PEX10: variants seen among roughly 807,000 people sequenced by gnomAD.
The protein encoded by PEX10 is peroxisomal biogenesis factor 10, also known as peroxisome biogenesis factor 10.
PEX10 carries 32 observed loss-of-function variants against 38.0 expected under a neutral mutation model. The ratio of observed to expected loss-of-function variants is 0.84; its 90% CI spans 0.63 to 1.13. PEX10 has a LOEUF of 1.13. Ranked by LOEUF, PEX10 falls within the 50% of genes most tolerant of loss-of-function variation. The pLI is 0.00. For missense variants in PEX10, 483 were observed against 457.7 expected, an observed-to-expected ratio of 1.06 and a Z score of -0.51; for synonymous variants, 206 against 207.3, an observed-to-expected ratio of 0.99 and a Z score of 0.05.
intron 5 of PEX10, 42 bp from the exon 6 acceptor site, chr1:2,405,876 G>A (rs1642982725): frequency 6.8e-7 from 1 of 1,470,508 alleles, no homozygotes; most frequent in African/African-American, 1.4e-5. Context: ...TGGGGCCACT[G>A]GGCCATGCCC....
At chr1:2,405,970 C>T (rs1333132229) in intron 5 of PEX10, 136 bp from the exon 6 acceptor site, 1 of 766,686 alleles carries the variant, frequency 1.3e-6, no homozygotes, top group African/African-American at 1.7e-5. Context: ...AACTAATGAC[C>T]AAGAAAGCCA....
Position 2,412,389 on chromosome 1 carries a change from AC to A in PEX10, c.112+1del. 1 of 1,378,570 alleles carries A rather than the reference AC, an allele frequency of 7.3e-7. No individual in the cohort carries two copies. Among genetic ancestry groups the A allele is most frequent in the African/African-American group, 1.5e-5 (1 of 65,470 alleles). 85.4% of individuals were successfully genotyped at this position (1,378,570 alleles called of 1,614,324 possible). On this transcript the variant is annotated splice_donor_variant, in intron 1 of 5. Coordinates refer to ENST00000447513, the MANE Select transcript of PEX10 (RefSeq NM_002617.4). LOFTEE classifies it high-confidence loss of function. ...GGACGTCCGGCCGCGCCCGGCCCTC[AC>A]CCGCCAGGCTGTGCAGGGCGCCGCC...
At chr1:2,406,090 A>G (rs1364112348) in intron 5 of PEX10, among the ~76,000 whole-genome samples, 1 of 152,118 alleles carries the variant, frequency 6.6e-6, no homozygotes, top group African/African-American at 2.4e-5. Flanking sequence ...CGCAGCTGAC[A>G]CAGCCCACGA....
chr1:2,408,059 T>C (rs1041368483), intron 3 of PEX10, among the ~76,000 whole-genome samples: 1 of 152,056 alleles, frequency 6.6e-6, no homozygotes, highest in African/African-American at 2.4e-5. Flanking sequence ...CTGCAGTCCA[T>C]GCTCCCACAC....
chr1:2,410,394 T>G lies in PEX10; in HGVS notation c.170A>C (p.Tyr57Ser), dbSNP rs760925882. ...KEVELLSDVAYFGLTTLAGYQ... is the reference protein window; with the variant it reads ...KEVELLSDVASFGLTTLAGYQ... ...ACCTGCAAGTGTGGTGAGGCCAAAG[T>G]AGGCCACATCTGAGAGCAGCTCAAC... The change falls in exon 2 of 6, where the codon TAC becomes TCC. Residue 57 changes from tyrosine to serine, a missense_variant. By Grantham distance (144) the Tyr-to-Ser change is moderately radical. Coordinates refer to ENST00000447513, the MANE Select transcript of PEX10 (RefSeq NM_002617.4). The surrounding 1 kb of genome is among the most constrained non-coding windows in gnomAD (Gnocchi z 5.1). The G allele has an allele frequency of 6.2e-7, 1 of 1,614,054 alleles. No homozygotes were observed. The highest frequency in any genetic ancestry group is 1.1e-5 in the South Asian group (1 of 91,088).
chr1:2,412,457 G>C lies in PEX10; in HGVS notation c.46C>G (p.Gln16Glu). ...ASPPEVIRAA[Q>E]KDEYYRGGLR... is the part of the protein sequence containing the mutation. ...CCACCGCGGTAGTACTCGTCCTTCT[G>C]CGCCGCGCGGATCACCTCCGGGGGG... Residue 16 changes from glutamine (Q) to glutamate (E), a missense_variant, in exon 1 of 6, where the codon CAG (glutamine) becomes GAG (glutamate). Gln to Glu is a conservative substitution (Grantham distance 29). Transcript: ENST00000447513. 7.0e-7 allele frequency: 1 copy of C among 1,422,686 alleles called. No homozygotes were observed. The highest frequency in any genetic ancestry group is 9.2e-7 in the Non-Finnish European group (1 of 1,091,682). 88.1% of individuals were successfully genotyped at this position (1,422,686 alleles called of 1,614,324 possible).
In PEX10 at chr1:2,406,557, C is replaced by T. The variant is rs758678654; in HGVS notation, c.839G>A (p.Arg280His). The T allele has an allele frequency of 1.1e-4, 180 of 1,613,286 alleles. No homozygotes were observed. Among genetic ancestry groups the T allele is most frequent in the South Asian group, 2.6e-4 (24 of 91,084 alleles). ...GCAGGGCGTGGCTGTTGGGTGCCTG[C>T]GCTCCTCCAGGCACAGGGTGCACAG... is the stretch of plus-strand genomic sequence containing the variant. ...NPLCTLCLEERRHPTATPCGH... is the reference protein window; with the variant it reads ...NPLCTLCLEEHRHPTATPCGH... Residue 280 changes from arginine to histidine, a missense_variant, in exon 5 of 6, where the codon CGC becomes CAC. Arg to His is a conservative substitution (Grantham distance 29, BLOSUM62 0). Coordinates refer to ENST00000447513, the MANE Select transcript of PEX10 (RefSeq NM_002617.4).
Position 2,405,594 on chromosome 1 carries a change from G to A in PEX10, c.*172C>T. Reference sequence around the variant, plus strand: ...GCGCCCCTCCCAGGGCTGAGAAAGCGCAGCCAGGGACAGCTTTCTGTTCTC... The same window carrying A: ...GCGCCCCTCCCAGGGCTGAGAAAGCACAGCCAGGGACAGCTTTCTGTTCTC... On this transcript the variant is annotated 3_prime_UTR_variant, in exon 6 of 6. Transcript: ENST00000447513. 3 of 729,136 alleles carry A rather than the reference G, an allele frequency of 4.1e-6. No individual in the cohort carries two copies. Among genetic ancestry groups the A allele is most frequent in the Non-Finnish European group, 7.3e-6 (3 of 410,938 alleles). 45.2% of individuals were successfully genotyped at this position (729,136 alleles called of 1,614,324 possible).
In PEX10 at chr1:2,408,719, G is replaced by C. The variant is rs781710848; in HGVS notation, c.333C>G (p.Leu111=). 2 of 1,613,792 alleles carry C rather than the reference G, an allele frequency of 1.2e-6. No individual in the cohort carries two copies. The highest frequency in any genetic ancestry group is 1.3e-5 in the African/African-American group (1 of 75,042). ...VLPYLLDKAL[L]PLEQELQADP... The stretch of plus-strand genomic sequence containing the variant: ...CAGCCTGCAGCTCCTGCTCCAGGGG[G>C]AGCAGGGCCTTGTCCAGCAGGTAGG... Residue 111 remains leucine, a synonymous_variant, in exon 3 of 6, where the codon CTC becomes CTG. Transcript: ENST00000447513.
Position 2,408,450 on chromosome 1 carries a change from A to C in PEX10, c.600+2T>G. 6.2e-7 allele frequency: 1 copy of C among 1,612,892 alleles called. No homozygotes were observed. The highest frequency in any genetic ancestry group is 8.5e-7 in the Non-Finnish European group (1 of 1,179,972). On this transcript the variant is annotated splice_donor_variant, in intron 3 of 5. Coordinates refer to ENST00000447513, the MANE Select transcript of PEX10 (RefSeq NM_002617.4). LOFTEE classifies it high-confidence loss of function. ...GCTGTGCCCTCAGCGCCTGCTACTT[A>C]CGTACGTGATCCCCGTGAGCCTCTT...
chr1:2,408,864 AG>A lies in PEX10; in HGVS notation c.194-7del. The A allele has an allele frequency of 1.9e-6, 3 of 1,613,892 alleles. No individual in the cohort carries two copies. The highest frequency in any genetic ancestry group is 2.5e-6 in the Non-Finnish European group (3 of 1,179,882). Reference sequence around the variant, plus strand: ...CTCCCCCAGGGTCTGGTAGCCTGCGAGGAAGAGGATGGGTATGTGGACCCTG... The same window carrying A: ...CTCCCCCAGGGTCTGGTAGCCTGCGAGAAGAGGATGGGTATGTGGACCCTG... On this transcript the variant is annotated splice_polypyrimidine_tract_variant and splice_region_variant and intron_variant, in intron 2 of 5. Transcript: ENST00000447513.
Position 2,405,192 on chromosome 1 carries a change from G to C in PEX10, c.*574C>G. 5.5e-6 allele frequency: 1 copy of C among 181,880 alleles called. No homozygotes were observed. The highest frequency in any genetic ancestry group is 1.2e-5 in the Non-Finnish European group (1 of 84,828). 11.3% of individuals were successfully genotyped at this position (181,880 alleles called of 1,614,324 possible). ...CCGACGGAGGTGCTGGCCTTGGTTG[G>C]TTTCTCTCTGCCCCGTGTGGTCATC... On this transcript the variant is annotated 3_prime_UTR_variant, in exon 6 of 6. Coordinates refer to ENST00000447513, the MANE Select transcript of PEX10 (RefSeq NM_002617.4).
rs1643275203 is a variant in PEX10 at position 2,412,474 on chromosome 1, T to TG, written c.28_29insC (p.Glu10AlafsTer41). 3.6e-6 allele frequency: 5 copies of TG among 1,393,112 alleles called. No homozygotes were observed. The highest frequency in any genetic ancestry group is 3.2e-5 in the Admixed American group (1 of 31,644). The allele number at this position is 1,393,112 out of a possible 1,614,324, so 86.3% of individuals were successfully genotyped here. A position where few individuals can be genotyped will look rare whatever the true frequency, so the allele number is the denominator to read the frequency against. Reference sequence around the variant, plus strand: ...GTCCTTCTGCGCCGCGCGGATCACCTCCGGGGGGCTGGCGGCGGCCGGGGC... The same window carrying TG: ...GTCCTTCTGCGCCGCGCGGATCACCTGCCGGGGGGCTGGCGGCGGCCGGGGC... On this transcript the variant is annotated frameshift_variant, in exon 1 of 6. Transcript: ENST00000447513. LOFTEE classifies it high-confidence loss of function.
chr1:2,410,930 A>G lies in PEX10; in HGVS notation c.113-479T>C. 4.4e-6 allele frequency: 2 copies of G among 454,224 alleles called. No individual in the cohort carries two copies. The highest frequency in any genetic ancestry group is 8.9e-6 in the Non-Finnish European group (2 of 225,242). 28.1% of individuals were successfully genotyped at this position (454,224 alleles called of 1,614,324 possible). The stretch of plus-strand genomic sequence containing the variant: ...AAACACTGGGAACAGTGTCTGGCAC[A>G]GGGGTAAGTGCCAAGTGTACTGTAA... On this transcript the variant is annotated intron_variant, in intron 1 of 5. Transcript: ENST00000447513. The surrounding 1 kb of genome is among the most constrained non-coding windows in gnomAD (Gnocchi z 5.1).
chr1:2,406,706 GC>G lies in PEX10; in HGVS notation c.776+13del. 3 of 1,608,652 alleles carry G rather than the reference GC, an allele frequency of 1.9e-6. No homozygotes were observed. Among genetic ancestry groups the G allele is most frequent in the Non-Finnish European group, 8.5e-7 (1 of 1,178,122 alleles). ...AGGACACCCCCAGCCCCCATGTGTGGCCCCCGCACGCACCTGCGGTGAGACA... is the reference window on the plus strand; with the variant it reads ...AGGACACCCCCAGCCCCCATGTGTGGCCCCGCACGCACCTGCGGTGAGACA... On this transcript the variant is annotated intron_variant, in intron 4 of 5. Coordinates refer to ENST00000447513, the MANE Select transcript of PEX10 (RefSeq NM_002617.4).
chr1:2,412,391 C>A lies in PEX10; in HGVS notation c.112G>T (p.Gly38Cys). Reference sequence around the variant, plus strand: ...ACGTCCGGCCGCGCCCGGCCCTCACCCGCCAGGCTGTGCAGGGCGCCGCCC... The same window carrying A: ...ACGTCCGGCCGCGCCCGGCCCTCACACGCCAGGCTGTGCAGGGCGCCGCCC... ...AAGGALHSLA[G>C]ARKWLEWRKE... Residue 38 changes from glycine (G) to cysteine (C), a missense_variant and splice_region_variant, in exon 1 of 6, where the codon GGT becomes TGT. Transcript: ENST00000447513. The A allele has an allele frequency of 2.2e-6, 3 of 1,390,180 alleles. No homozygotes were observed. Among genetic ancestry groups the A allele is most frequent in the Non-Finnish European group, 1.9e-6 (2 of 1,077,634 alleles). 86.1% of individuals were successfully genotyped at this position (1,390,180 alleles called of 1,614,324 possible). A position where few individuals can be genotyped will look rare whatever the true frequency, so the allele number is the denominator to read the frequency against.
chr1:2,408,485 G>A lies in PEX10; in HGVS notation c.567C>T (p.Tyr189=). 1.2e-6 allele frequency: 2 copies of A among 1,612,994 alleles called. No individual in the cohort carries two copies. Among genetic ancestry groups the A allele is most frequent in the South Asian group, 1.1e-5 (1 of 91,090 alleles). Residue 189 remains tyrosine, a synonymous_variant, in exon 3 of 6, where the codon TAC becomes TAT. Coordinates refer to ENST00000447513, the MANE Select transcript of PEX10 (RefSeq NM_002617.4). ...VAWFYIHGVF[Y]HLAKRLTGIT... ...TCCCCGTGAGCCTCTTGGCCAGGTG[G>A]TAGAAGACACCGTGGATGTAAAACC...
In PEX10 at chr1:2,410,747, G is replaced by C. The variant is rs1333196568; in HGVS notation, c.113-296C>G. On this transcript the variant is annotated intron_variant, in intron 1 of 5. Transcript: ENST00000447513. This position sits in a 1 kb window ranked among gnomAD's most constrained non-coding sequence, Gnocchi z 5.1. ...TGAGGGCCACATGGAAAGATGGTCT[G>C]GGGTATTAAGATTACAGGCCAGAGG... The C allele has an allele frequency of 7.7e-6, 4 of 520,504 alleles. No homozygotes were observed. The highest frequency in any genetic ancestry group is 6.1e-5 in the South Asian group (4 of 65,110). The allele number at this position is 520,504 out of a possible 1,614,324, so 32.2% of individuals were successfully genotyped here.
rs1027184356 is a variant in PEX10 at position 2,412,410 on chromosome 1, G to A, written c.93C>T (p.Gly31=). The A allele has an allele frequency of 3.6e-6, 5 of 1,404,972 alleles. No homozygotes were observed. The highest frequency in any genetic ancestry group is 3.1e-5 in the Admixed American group (1 of 32,410). 87.0% of individuals were successfully genotyped at this position (1,404,972 alleles called of 1,614,324 possible). A position where few individuals can be genotyped will look rare whatever the true frequency, so the allele number is the denominator to read the frequency against. The part of the protein sequence containing the change: ...YRGGLRSAAG[G]ALHSLAGARK... Reference sequence around the variant, plus strand: ...CCTCACCCGCCAGGCTGTGCAGGGCGCCGCCCGCCGCGCTCCGCAGCCCAC... The same window carrying A: ...CCTCACCCGCCAGGCTGTGCAGGGCACCGCCCGCCGCGCTCCGCAGCCCAC... Residue 31 remains glycine, a synonymous_variant, in exon 1 of 6, where the codon GGC becomes GGT. Transcript: ENST00000447513.
Sources: allele counts gnomAD v4.1 joint callset (sites outside exome capture counted in the v4.1 genomes callset), GRCh38; gene constraint gnomAD v4.1.1; non-coding constraint Gnocchi (gnomAD v3.1); transcripts MANE v1.5; gene names NCBI Gene and HGNC (gene_info 2026-07-23, HGNC 2026-07-21).